The following MSRA variants were observed in gnomAD, a reference collection of about 807,000 sequenced individuals.
MSRA encodes mitochondrial peptide methionine sulfoxide reductase.
A neutral mutation model predicts 31.3 loss-of-function variants in MSRA; 54 were observed. That is an observed-to-expected ratio of 1.73 (90% confidence interval 1.39 to 2.17). The LOEUF (loss-of-function observed/expected upper bound fraction) is 2.17, where lower values mean the gene tolerates loss of function less well. Ranked by LOEUF, MSRA falls within the 30% of genes most tolerant of loss-of-function variation. The pLI is 0.00. For synonymous variants in MSRA, 169 were observed against 116.5 expected (o/e 1.45, Z -2.90); for missense variants, 507 against 300.9 (o/e 1.69, Z -5.07).
At chr8:10,334,359 G>A (rs1490844160) in intron 5 of MSRA, among the ~76,000 whole-genome samples, 1 of 152,098 alleles carries the variant, frequency 6.6e-6, no homozygotes, top group Non-Finnish European at 1.5e-5. Context: ...GTTCTGGCAG[G>A]TAGATGGATA....
intron 5 of MSRA, among the ~76,000 whole-genome samples, chr8:10,413,167 A>G (rs1488150450): frequency 6.6e-6 from 1 of 152,196 alleles, no homozygotes; most frequent in Non-Finnish European, 1.5e-5. Context: ...GGCCCTGCAC[A>G]AGGGAAGAGA....
In MSRA at chr8:10,417,479, GCCAGTCAGTGC is replaced by G. The variant is rs577988512; in HGVS notation, c.544-10660_544-10650del. On this transcript the variant is annotated intron_variant, in intron 5 of 5. Coordinates refer to ENST00000317173, the MANE Select transcript of MSRA (RefSeq NM_012331.5). Reference sequence around the variant, plus strand: ...ACTCCATGTAGGCTTAGTAAGCCCAGCCAGTCAGTGCCCAGTCAGCCGTCCCCCTTCCTTGT... The same window carrying G: ...ACTCCATGTAGGCTTAGTAAGCCCAGCCAGTCAGCCGTCCCCCTTCCTTGT... Among the ~76,000 whole-genome samples the G allele has an allele frequency of 2.7e-3, 403 of 150,636 alleles. 2 individuals carry two copies. The highest frequency in any genetic ancestry group is 9.6e-3 in the African/African-American group (392 of 40,834).
In MSRA at chr8:10,360,672, C is replaced by T. The variant is rs980990939; in HGVS notation, c.543+40683C>T. Among the ~76,000 whole-genome samples, 4 of 152,330 alleles carry T rather than the reference C, an allele frequency of 2.6e-5. No individual in the cohort carries two copies. In the South Asian group the frequency reaches 8.3e-4, roughly 32 times the overall value. On this transcript the variant is annotated intron_variant, in intron 5 of 5. Coordinates refer to ENST00000317173, the MANE Select transcript of MSRA (RefSeq NM_012331.5). ...GTCTAACTCTGGGTTTGAACTCCAG[C>T]CCCAAAGCAGGCACAATTCTGGGCT...
At chr8:10,366,114 G>A (rs1240830102) in intron 5 of MSRA, among the ~76,000 whole-genome samples, 1 of 152,194 alleles carries the variant, frequency 6.6e-6, no homozygotes. Context: ...CTGTCGAAAG[G>A]GAAGAGCAGC....
At chr8:10,279,980 CAT>C (rs1469531677) in intron 3 of MSRA, among the ~76,000 whole-genome samples, 5 of 152,184 alleles carry the variant, frequency 3.3e-5, no homozygotes, top group Non-Finnish European at 7.3e-5. Flanking sequence ...TTTTGGAAAA[CAT>C]GTTTTTAACT....
rs372864076 is a variant in MSRA at position 10,362,263 on chromosome 8, A to C, written c.543+42274A>C. On this transcript the variant is annotated intron_variant, in intron 5 of 5. Transcript: ENST00000317173. Reference sequence around the variant, plus strand: ...CAGATGCTCAGGAAATATCGTCCTTACTTAGGAGCACTCCTGTCAATGAAA... The same window carrying C: ...CAGATGCTCAGGAAATATCGTCCTTCCTTAGGAGCACTCCTGTCAATGAAA... 2.5e-4 allele frequency among the ~76,000 whole-genome samples: 38 copies of C among 152,184 alleles called. No homozygotes were observed. In the South Asian group the frequency reaches 3.3e-3, roughly 13 times the overall value.
chr8:10,065,321 G>A lies in MSRA; in HGVS notation c.142+10663G>A, dbSNP rs1446856395. Among the ~76,000 whole-genome samples the A allele has an allele frequency of 2.6e-5, 4 of 152,280 alleles. No individual in the cohort carries two copies. The East Asian group carries it at 7.7e-4, about 29-fold the overall frequency. ...GACACCAGGAGTAGAAACTTCACCT[G>A]GTGGCCCATCCTCAGAATGTAAGAG... On this transcript the variant is annotated intron_variant, in intron 1 of 5. Transcript: ENST00000317173.
intron 1 of MSRA, among the ~76,000 whole-genome samples, chr8:10,098,401 C>T (rs1176936704): frequency 4.6e-5 from 7 of 152,210 alleles, no homozygotes; most frequent in African/African-American, 7.2e-5. Context: ...CAAATTAATG[C>T]GAACTTCTCA....
At chr8:10,230,558 G>A (rs1585224461) in intron 2 of MSRA, among the ~76,000 whole-genome samples, 1 of 152,230 alleles carries the variant, frequency 6.6e-6, no homozygotes, top group African/African-American at 2.4e-5. Context: ...AAAACCAGAG[G>A]CAACCATTAT....
rs115523159 is a variant in MSRA at position 10,390,979 on chromosome 8, G to A, written c.544-37169G>A. On this transcript the variant is annotated intron_variant, in intron 5 of 5. Transcript: ENST00000317173. ...CGATAAGTGAGACTCTGTCTCAAAA[G>A]AAAAAAAAAAAAAACAGCACAAGGT... Among the ~76,000 whole-genome samples the A allele has an allele frequency of 1.8e-3, 251 of 138,492 alleles. 1 individual carries two copies. Among genetic ancestry groups the A allele is most frequent in the Middle Eastern group, 3.7e-3 (1 of 268 alleles). 90.9% of individuals were successfully genotyped at this position (138,492 alleles called of 152,430 possible).
chr8:10,416,965 C>T (rs191461168), intron 5 of MSRA, among the ~76,000 whole-genome samples: 53 of 152,320 alleles, frequency 3.5e-4, no homozygotes, highest in Non-Finnish European at 6.5e-4. Flanking sequence ...CTGTGATTTA[C>T]CTCGAGGGTG....
At chr8:10,390,890 G>C (rs1806700391) in intron 5 of MSRA, among the ~76,000 whole-genome samples, 1 of 151,756 alleles carries the variant, frequency 6.6e-6, no homozygotes, top group African/African-American at 2.4e-5. Context: ...GCAGGAGAAT[G>C]ACGTGAACCC....
chr8:10,245,260 A>G (rs200218096), intron 3 of MSRA, 37 bp downstream of exon 3: 3 of 1,599,296 alleles, frequency 1.9e-6, no homozygotes, highest in African/African-American at 2.7e-5. Flanking sequence ...ACTAGGAGAA[A>G]CAAGGGAGGG....
intron 2 of MSRA, among the ~76,000 whole-genome samples, chr8:10,217,516 T>C (rs7823719): frequency 0.02 from 3,008 of 152,310 alleles, 110 homozygotes; most frequent in African/African-American, 0.068. Flanking sequence ...TTTTAAAAGG[T>C]ATTTGTTTTT....
chr8:10,321,821 C>A (rs1802059484), intron 5 of MSRA, among the ~76,000 whole-genome samples: 1 of 152,156 alleles, frequency 6.6e-6, no homozygotes, highest in South Asian at 2.1e-4. Context: ...CCAGTCAAGC[C>A]TTCAGATGAG....
intron 1 of MSRA, among the ~76,000 whole-genome samples, chr8:10,127,237 A>G (rs995395417): frequency 6.6e-6 from 1 of 152,226 alleles, no homozygotes; most frequent in Admixed American, 6.5e-5. Context: ...TGGAACGCTA[A>G]GCATGTGGGA....
At chr8:10,280,362 A>ATAGT (rs546503128) in intron 3 of MSRA, among the ~76,000 whole-genome samples, 168 of 67,130 alleles carry the variant, frequency 2.5e-3, no homozygotes, top group African/African-American at 8.2e-3. Context: ...CTCCTTTCTA[A>ATAGT]TAATTAATTC....
At chr8:10,336,796 C>G (rs775475358) in intron 5 of MSRA, 1 of 152,168 alleles carries the variant, frequency 6.6e-6, no homozygotes, top group African/African-American at 2.4e-5. Context: ...AATTTCTAGG[C>G]CACATTGAGG....
intron 3 of MSRA, among the ~76,000 whole-genome samples, chr8:10,279,296 C>G (rs974797826): frequency 6.6e-6 from 1 of 152,174 alleles, no homozygotes; most frequent in Non-Finnish European, 1.5e-5. Flanking sequence ...GTAGCTGACT[C>G]TCCAGACATA....
Sources: gnomAD v4.1 joint callset for allele counts (sites outside exome capture counted in the v4.1 genomes callset) on GRCh38, gnomAD v4.1.1 for gene constraint, MANE v1.5 for transcripts, NCBI Gene and HGNC (gene_info 2026-07-23, HGNC 2026-07-21) for gene names.